Variants in INO80D observed in about 807,000 individuals in gnomAD.
INO80D encodes the protein INO80 complex subunit D.
INO80D carries 21 observed loss-of-function variants against 87.6 expected under a neutral mutation model. The ratio of observed to expected loss-of-function variants is 0.24; its 90% CI spans 0.17 to 0.35. The LOEUF (loss-of-function observed/expected upper bound fraction) is 0.35, where lower values mean the gene tolerates loss of function less well. Among genes scored for constraint, INO80D ranks in the 10% least tolerant of loss-of-function variants. INO80D has a pLI of 1.00. For synonymous variants in INO80D, 440 were observed against 491.0 expected (o/e 0.90, Z 1.37); for missense variants, 982 against 1,280.7 (o/e 0.77, Z 3.56).
chr2:206,068,334 AAG>A (rs370199586), intron 1 of INO80D, among the ~76,000 whole-genome samples: 4 of 152,250 alleles, frequency 2.6e-5, no homozygotes, highest in Non-Finnish European at 4.4e-5. Flanking sequence ...TCCTGCATTC[AAG>A]AGATCCTCCC....
intron 1 of INO80D, among the ~76,000 whole-genome samples, chr2:206,070,109 T>C (rs1477289694): frequency 6.6e-6 from 1 of 151,694 alleles, no homozygotes. Context: ...ACCCTATCTC[T>C]ACAAAGAATA....
At chr2:206,027,844 T>C (rs1002403993) in intron 6 of INO80D, among the ~76,000 whole-genome samples, 1 of 152,228 alleles carries the variant, frequency 6.6e-6, no homozygotes, top group East Asian at 1.9e-4. Context: ...TCTATTTTTT[T>C]AAAGCCAGGT....
At chr2:206,056,123 G>A (rs1689510278) in intron 4 of INO80D, 75 bp downstream of exon 4, 3 of 1,422,830 alleles carry the variant, frequency 2.1e-6, no homozygotes, top group Non-Finnish European at 2.9e-6. Flanking sequence ...GGGTAATTAT[G>A]AAAGGGAAGC....
intron 8 of INO80D, among the ~76,000 whole-genome samples, chr2:206,016,190 C>G (rs558323371): frequency 6.6e-6 from 1 of 152,356 alleles, no homozygotes; most frequent in South Asian, 2.1e-4. Flanking sequence ...GTCACAGGGG[C>G]AGACCTGCCC....
In INO80D at chr2:206,002,418, G is replaced by A. The variant is rs1209528588; in HGVS notation, c.*1950C>T. The A allele has an allele frequency of 6.6e-6, 1 of 151,974 alleles. No individual in the cohort carries two copies. Among genetic ancestry groups the A allele is most frequent in the Admixed American group, 6.5e-5 (1 of 15,274 alleles). The allele number at this position is 151,974 out of a possible 1,614,324, so 9.4% of individuals were successfully genotyped here. A position where few individuals can be genotyped will look rare whatever the true frequency, so the allele number is the denominator to read the frequency against. On this transcript the variant is annotated 3_prime_UTR_variant, in exon 11 of 11. Coordinates refer to ENST00000403263, the MANE Select transcript of INO80D (RefSeq NM_017759.5). The stretch of plus-strand genomic sequence containing the variant: ...TTATAATTTAGAAATTTTGCACTCT[G>A]CAAAAAAGGCAAAGCTATTAAAAAT...
chr2:206,072,265 T>C (rs1689991053), intron 1 of INO80D, among the ~76,000 whole-genome samples: 1 of 151,598 alleles, frequency 6.6e-6, no homozygotes, highest in Admixed American at 6.6e-5. Flanking sequence ...ATTTTGGGTT[T>C]TTTGGGAGGG....
intron 3 of INO80D, among the ~76,000 whole-genome samples, chr2:206,057,547 C>T (rs1689558347): frequency 6.6e-6 from 1 of 152,088 alleles, no homozygotes; most frequent in South Asian, 2.1e-4. Context: ...GTAGTACCTA[C>T]CTGCAGTAGG....
intron 1 of INO80D, among the ~76,000 whole-genome samples, chr2:206,078,593 T>G (rs1179775982): frequency 2.0e-5 from 3 of 152,080 alleles, no homozygotes; most frequent in Non-Finnish European, 1.5e-5. Context: ...CCCCTTTGTT[T>G]GAGCCCAGCC....
At position 206,062,836 on chromosome 2, in the gene INO80D, G is replaced by A. The variant is rs373225135; in HGVS notation, c.181C>T (p.Arg61Cys). The A allele has an allele frequency of 5.6e-6, 9 of 1,612,646 alleles. No individual in the cohort carries two copies. The highest frequency in any genetic ancestry group is 1.1e-5 in the South Asian group (1 of 90,876). ...CEYVAKYNSQ[R>C]CTNPIPKSED... is the part of the protein sequence containing the mutation. ...GATTTGGGGATGGGGTTGGTGCAGC[G>A]TTGGCTGTTATACTTGGCCACATAT... The change falls in exon 3 of 11, where the codon CGC (arginine) becomes TGC (cysteine). Residue 61 changes from arginine (R) to cysteine (C), a missense_variant. Coordinates refer to ENST00000403263, the MANE Select transcript of INO80D (RefSeq NM_017759.5). The surrounding 1 kb of genome is among the most constrained non-coding windows in gnomAD (Gnocchi z 4.6).
At chr2:206,064,126 T>C (rs1689755152) in intron 1 of INO80D, among the ~76,000 whole-genome samples, 1 of 152,224 alleles carries the variant, frequency 6.6e-6, no homozygotes, top group Admixed American at 6.5e-5. Flanking sequence ...ACTTATATCA[T>C]TCATTTCAAA....
In INO80D at chr2:206,062,935, T is replaced by C; in HGVS notation, c.82A>G (p.Arg28Gly). 6.2e-7 allele frequency: 1 copy of C among 1,613,554 alleles called. No homozygotes were observed. Among genetic ancestry groups the C allele is most frequent in the Non-Finnish European group, 8.5e-7 (1 of 1,179,792 alleles). Reference sequence around the variant, plus strand: ...CAGAAGGCGTAGCCGTTGAGTCGCCTCTGCTTGCACAGTTTGGGGCTATAT... The same window carrying C: ...CAGAAGGCGTAGCCGTTGAGTCGCCCCTGCTTGCACAGTTTGGGGCTATAT... ...CSYSPKLCKQRRLNGYAFCIR... is the reference protein window; with the variant it reads ...CSYSPKLCKQGRLNGYAFCIR... Residue 28 changes from arginine to glycine, a missense_variant, in exon 3 of 11, where the codon AGG becomes GGG. By Grantham distance (125) the Arg-to-Gly change is moderately radical (BLOSUM62 -2). Coordinates refer to ENST00000403263, the MANE Select transcript of INO80D (RefSeq NM_017759.5). This position sits in a 1 kb window ranked among gnomAD's most constrained non-coding sequence, Gnocchi z 4.6.
At chr2:206,060,705 C>T (rs996264719) in intron 3 of INO80D, among the ~76,000 whole-genome samples, 2 of 151,900 alleles carry the variant, frequency 1.3e-5, no homozygotes, top group African/African-American at 4.8e-5. Flanking sequence ...GGATTACAGG[C>T]ATGTGCCACC....
chr2:206,022,748 C>T (rs920817242), intron 6 of INO80D, among the ~76,000 whole-genome samples: 13 of 152,164 alleles, frequency 8.5e-5, no homozygotes, highest in South Asian at 6.2e-4. Flanking sequence ...GAGTCTCCCT[C>T]TGTCACCCAG....
rs1158193397 is a variant in INO80D at position 206,056,576 on chromosome 2, G to A, written c.586C>T (p.Pro196Ser). Residue 196 changes from proline (P) to serine (S), a missense_variant, in exon 4 of 11, where the codon CCC (proline) becomes TCC (serine). By Grantham distance (74) the Pro-to-Ser change is moderately conservative. Coordinates refer to ENST00000403263, the MANE Select transcript of INO80D (RefSeq NM_017759.5). ...ILKVRQEHFS[P>S]PPAPSQQQPP... Reference sequence around the variant, plus strand: ...TGCTGCTGTGAAGGTGCAGGAGGGGGACTAAAGTGCTCTTGTCGAACTTTT... The same window carrying A: ...TGCTGCTGTGAAGGTGCAGGAGGGGAACTAAAGTGCTCTTGTCGAACTTTT... The A allele has an allele frequency of 1.2e-6, 2 of 1,612,022 alleles. No individual in the cohort carries two copies. The highest frequency in any genetic ancestry group is 2.2e-5 in the East Asian group (1 of 44,840).
intron 5 of INO80D, among the ~76,000 whole-genome samples, chr2:206,034,732 AG>A (rs1458010129): frequency 1.3e-5 from 2 of 152,154 alleles, no homozygotes; most frequent in African/African-American, 2.4e-5. Flanking sequence ...TAGTACTGGA[AG>A]TCCTAGCCAG....
chr2:206,033,560 A>T (rs1018229888), intron 5 of INO80D, among the ~76,000 whole-genome samples: 3 of 152,174 alleles, frequency 2.0e-5, no homozygotes, highest in Admixed American at 6.5e-5. Flanking sequence ...GACACAACCT[A>T]TGAAAACCTC....
intron 5 of INO80D, among the ~76,000 whole-genome samples, chr2:206,042,451 G>T (rs1201804457): frequency 1.3e-5 from 2 of 152,026 alleles, no homozygotes; most frequent in African/African-American, 4.8e-5. Context: ...GGAGGCGGAG[G>T]CAGGTGGATC....
chr2:206,035,764 AG>A (rs1278280148), intron 5 of INO80D, among the ~76,000 whole-genome samples: 1 of 152,224 alleles, frequency 6.6e-6, no homozygotes, highest in Non-Finnish European at 1.5e-5. Context: ...GCACAGCAAA[AG>A]GAACAGTCAG....
At chr2:206,050,077 GA>G (rs1689309267) in intron 4 of INO80D, among the ~76,000 whole-genome samples, 2 of 151,986 alleles carry the variant, frequency 1.3e-5, no homozygotes, top group Non-Finnish European at 2.9e-5. Context: ...AGGTTGCAAT[GA>G]GCTGAGATCA....
Sources: allele counts gnomAD v4.1 joint callset (sites outside exome capture counted in the v4.1 genomes callset), GRCh38; gene constraint gnomAD v4.1.1; non-coding constraint Gnocchi (gnomAD v3.1); transcripts MANE v1.5; gene names NCBI Gene and HGNC (gene_info 2026-07-23, HGNC 2026-07-21).